HIRA: variants seen among roughly 807,000 people sequenced by gnomAD.
HIRA encodes histone cell cycle regulator, also known as protein HIRA.
Under a neutral mutation model 126.6 loss-of-function variants are expected in HIRA, and 13 were observed. The ratio of observed to expected loss-of-function variants is 0.10; its 90% CI spans 0.07 to 0.16. HIRA has a LOEUF of 0.16. Ranked by LOEUF, HIRA falls within the 10% of genes least tolerant of loss-of-function variation. The pLI is 1.00. For missense variants in HIRA, 834 were observed against 1,314.4 expected (o/e 0.63, Z 5.65); for synonymous variants, 511 against 520.0 (o/e 0.98, Z 0.24).
intron 24 of HIRA, among the ~76,000 whole-genome samples, chr22:19,348,667 T>A (rs1556009700): frequency 6.6e-6 from 1 of 151,798 alleles, no homozygotes; most frequent in East Asian, 1.9e-4. Context: ...GGCTAATTTT[T>A]TGTATTTTTA....
intron 5 of HIRA, among the ~76,000 whole-genome samples, chr22:19,403,781 T>G (rs1331257948): frequency 6.6e-6 from 1 of 152,214 alleles, no homozygotes; most frequent in East Asian, 1.9e-4. Flanking sequence ...TATCTTCCTT[T>G]CAATTATAAA....
At chr22:19,387,250 C>T (rs1321450293) in intron 11 of HIRA, among the ~76,000 whole-genome samples, 1 of 152,194 alleles carries the variant, frequency 6.6e-6, no homozygotes, top group African/African-American at 2.4e-5. Flanking sequence ...TCCATATCCA[C>T]GAAATGGATG....
chr22:19,338,975 T>C (rs1556006802), intron 24 of HIRA, among the ~76,000 whole-genome samples: 1 of 152,118 alleles, frequency 6.6e-6, no homozygotes, highest in African/African-American at 2.4e-5. Context: ...TTACAGAACA[T>C]TCTACCCAAC....
intron 2 of HIRA, among the ~76,000 whole-genome samples, chr22:19,409,734 T>C (rs909448606): frequency 1.2e-4 from 18 of 152,224 alleles, no homozygotes; most frequent in Non-Finnish European, 2.6e-4. Flanking sequence ...TATGTAAAAG[T>C]ATTTCCAAAA....
chr22:19,379,680 T>TA, intron 13 of HIRA, among the ~76,000 whole-genome samples: 1 of 147,496 alleles, frequency 6.8e-6, no homozygotes, highest in East Asian at 2.0e-4. Flanking sequence ...TTTTGTGAAC[T>TA]GCTTGTTCAT....
intron 18 of HIRA, among the ~76,000 whole-genome samples, chr22:19,358,243 C>G (rs143851263): frequency 3.3e-4 from 51 of 152,360 alleles, no homozygotes; most frequent in African/African-American, 9.6e-4. Context: ...ATCTGCCCAT[C>G]TCTGGTGGTC....
At chr22:19,376,645 G>C (rs1165184535) in intron 14 of HIRA, among the ~76,000 whole-genome samples, 2 of 152,324 alleles carry the variant, frequency 1.3e-5, no homozygotes, top group East Asian at 3.9e-4. Flanking sequence ...CACTGGTCTT[G>C]CTGCTCAGTC....
At position 19,331,328 on chromosome 22, in the gene HIRA, C is replaced by G. The variant is rs1556004502; in HGVS notation, c.*112G>C. The stretch of plus-strand genomic sequence containing the variant: ...GCGCTGGTGCAGGACAGCACATCTC[C>G]TGCCAGTGTCTCCTCCCCCTACAGC... On this transcript the variant is annotated 3_prime_UTR_variant, in exon 25 of 25. Transcript: ENST00000263208. 1 of 1,596,832 alleles carries G rather than the reference C, an allele frequency of 6.3e-7. No homozygotes were observed. The highest frequency in any genetic ancestry group is 1.7e-5 in the Admixed American group (1 of 59,786).
intron 15 of HIRA, among the ~76,000 whole-genome samples, chr22:19,372,945 G>C (rs2088980924): frequency 6.6e-6 from 1 of 152,034 alleles, no homozygotes. Context: ...TGAATTACTG[G>C]GCCTTCTGTC....
rs1418770256 is a variant in HIRA at position 19,377,971 on chromosome 22, A to G, written c.1511T>C (p.Leu504Pro). ...GAAGGAGTTAGGGGTACTGGAGTCC[A>G]GTGGCAGTAGCTGTGGACTGCTATG... Reference protein sequence around the residue: ...SSHSSPQLLPLDSSTPNSFGA... With the variant: ...SSHSSPQLLPPDSSTPNSFGA... The change falls in exon 14 of 25, where the codon CTG becomes CCG. Residue 504 changes from leucine to proline, a missense_variant. Coordinates refer to ENST00000263208, the MANE Select transcript of HIRA (RefSeq NM_003325.4). 2 of 1,613,856 alleles carry G rather than the reference A, an allele frequency of 1.2e-6. No individual in the cohort carries two copies. The highest frequency in any genetic ancestry group is 1.7e-6 in the Non-Finnish European group (2 of 1,179,890).
At chr22:19,420,471 A>AAAAC (rs111394588) in intron 1 of HIRA, among the ~76,000 whole-genome samples, 55,695 of 141,486 alleles carry the variant, frequency 0.39, 13,377 homozygotes, top group Non-Finnish European at 0.52. Flanking sequence ...TCAAAAAAAA[A>AAAAC]AAAAAAAAAA....
chr22:19,392,715 C>T (rs377259673), intron 8 of HIRA, among the ~76,000 whole-genome samples: 210 of 152,300 alleles, frequency 1.4e-3, no homozygotes, highest in African/African-American at 4.4e-3. Context: ...CAGTCATAAC[C>T]GTCTAGCAGA....
At chr22:19,399,487 T>G (rs1183768499) in intron 5 of HIRA, among the ~76,000 whole-genome samples, 1 of 152,206 alleles carries the variant, frequency 6.6e-6, no homozygotes, top group Non-Finnish European at 1.5e-5. Context: ...CTACTATTAA[T>G]TGACCTAATT....
At chr22:19,411,542 G>A (rs2089352439) in intron 1 of HIRA, among the ~76,000 whole-genome samples, 1 of 152,196 alleles carries the variant, frequency 6.6e-6, no homozygotes, top group African/African-American at 2.4e-5. Context: ...CTGCTTCTAG[G>A]ACAAAGGTTT....
At chr22:19,420,470 A>AAAAAAC (rs2089436481) in intron 1 of HIRA, among the ~76,000 whole-genome samples, 1 of 130,418 alleles carries the variant, frequency 7.7e-6, no homozygotes, top group Non-Finnish European at 1.7e-5. Flanking sequence ...CTCAAAAAAA[A>AAAAAAC]AAAAAAAAAA....
Position 19,351,441 on chromosome 22 carries a change from C to A in HIRA, c.2854G>T (p.Glu952Ter). 1.2e-6 allele frequency: 2 copies of A among 1,612,214 alleles called. No homozygotes were observed. The highest frequency in any genetic ancestry group is 2.2e-5 in the South Asian group (2 of 90,758). Residue 952 changes from glutamate (E) to a stop codon, truncating the protein, a stop_gained, in exon 24 of 25, where the codon GAA becomes TAA. Transcript: ENST00000263208. LOFTEE classifies it high-confidence loss of function. This position sits in a 1 kb window ranked among gnomAD's most constrained non-coding sequence, Gnocchi z 4.8. ...YARYLVNEGFEYRLREICKDL... is the reference protein window; with the variant it reads ...YARYLVNEGF ...TTGCATATTTCTCGAAGTCGGTATT[C>A]AAACCCTAATTACAGAAAAACAAAC...
chr22:19,379,185 TG>T (rs2089047181), intron 13 of HIRA, among the ~76,000 whole-genome samples: 1 of 151,742 alleles, frequency 6.6e-6, no homozygotes, highest in South Asian at 2.1e-4. Context: ...GCTAATTTTT[TG>T]TATTTTTAGT....
In HIRA at chr22:19,411,775, C is replaced by T. The variant is rs574527326; in HGVS notation, c.38-997G>A. On this transcript the variant is annotated intron_variant, in intron 1 of 24. Transcript: ENST00000263208. ...CACCCAAGAGGAGGCAATGTGGACACAGTACCAGAGTCACCAGCCCTAGAA... is the reference window on the plus strand; with the variant it reads ...CACCCAAGAGGAGGCAATGTGGACATAGTACCAGAGTCACCAGCCCTAGAA... Among the ~76,000 whole-genome samples, 8 of 152,214 alleles carry T rather than the reference C, an allele frequency of 5.3e-5. No individual in the cohort carries two copies. In the South Asian group the frequency reaches 1.5e-3, roughly 28 times the overall value.
At chr22:19,357,130 T>G in intron 18 of HIRA, 79 bp from the exon 19 acceptor site, 1 of 1,528,054 alleles carries the variant, frequency 6.5e-7, no homozygotes, top group African/African-American at 1.4e-5. Context: ...GTGTGGGCCT[T>G]CCCTCTGCCT....
Sources: gnomAD v4.1 joint callset for allele counts (sites outside exome capture counted in the v4.1 genomes callset) on GRCh38, gnomAD v4.1.1 for gene constraint, Gnocchi (gnomAD v3.1) non-coding constraint, MANE v1.5 for transcripts, NCBI Gene and HGNC (gene_info 2026-07-23, HGNC 2026-07-21) for gene names.